NUDCD3: variants seen among roughly 807,000 people sequenced by gnomAD.
The protein encoded by NUDCD3 is nudC domain-containing protein 3.
In NUDCD3, 13 loss-of-function variants were observed where a neutral mutation model predicts 39.7. The observed-to-expected ratio is 0.33, with a 90% CI of 0.21 to 0.52. The LOEUF (loss-of-function observed/expected upper bound fraction) is 0.52, where lower values mean the gene tolerates loss of function less well. NUDCD3 is among the 20% of genes least tolerant of loss of function. NUDCD3 has a pLI of 0.96. For synonymous variants in NUDCD3, 175 were observed against 172.4 expected (o/e 1.02, Z -0.12); for missense variants, 453 against 458.1 (o/e 0.99, Z 0.10).
In NUDCD3 at chr7:44,379,541, G is replaced by A. The variant is rs1798273597; in HGVS notation, c.*6470C>T. 6.6e-6 allele frequency: 1 copy of A among 152,200 alleles called. No homozygotes were observed. Among genetic ancestry groups the A allele is most frequent in the Non-Finnish European group, 1.5e-5 (1 of 68,096 alleles). The allele number at this position is 152,200 out of a possible 1,614,324, so 9.4% of individuals were successfully genotyped here. On this transcript the variant is annotated 3_prime_UTR_variant, in exon 6 of 6. Coordinates refer to ENST00000355451, the MANE Select transcript of NUDCD3 (RefSeq NM_015332.4). ...GGGAGGTTACCAGCAGGAGAGCCTGGAGTGTCGAGGAGTCACCACGGCCCT... is the reference window on the plus strand; with the variant it reads ...GGGAGGTTACCAGCAGGAGAGCCTGAAGTGTCGAGGAGTCACCACGGCCCT...
chr7:44,467,825 A>AAAAAAGAAAAGAAAAGGCTCTCT, intron 2 of NUDCD3: 5 of 1,144,620 alleles, frequency 4.4e-6, no homozygotes, highest in Non-Finnish European at 6.3e-6. Context: ...AGTAAAAAAA[A>AAAAAAGAAAAGAAAAGGCTCTCT]AAAAAAGAAA....
At chr7:44,401,172 T>TC (rs1240450083) in intron 4 of NUDCD3, among the ~76,000 whole-genome samples, 1 of 152,076 alleles carries the variant, frequency 6.6e-6, no homozygotes, top group African/African-American at 2.4e-5. Flanking sequence ...TCACCTGCAG[T>TC]CCCTCTCTGC....
intron 2 of NUDCD3, among the ~76,000 whole-genome samples, chr7:44,467,471 G>A (rs1800143002): frequency 6.6e-6 from 1 of 152,146 alleles, no homozygotes; most frequent in African/African-American, 2.4e-5. Flanking sequence ...ATCAGCCAGA[G>A]GCCAATCACC....
intron 3 of NUDCD3, among the ~76,000 whole-genome samples, chr7:44,426,661 T>C (rs1799241943): frequency 1.3e-5 from 2 of 151,130 alleles, no homozygotes; most frequent in South Asian, 4.2e-4. Flanking sequence ...CCGGGCGTAG[T>C]GGCGGGCGCC....
rs138070211 is a variant in NUDCD3 at position 44,485,036 on chromosome 7, C to T, written c.441G>A (p.Gln147=). ...CAACTGCTCCTGGAGCTTCTGCCTC[C>T]TGTGAACCATGGGCCATTTCCTTCA... ...GPVKEMAHGS[Q]EAEAPGAVAG... The change falls in exon 2 of 6, where the codon CAG becomes CAA. Residue 147 remains glutamine, a synonymous_variant. Transcript: ENST00000355451. The T allele has an allele frequency of 1.2e-6, 2 of 1,614,106 alleles. No individual in the cohort carries two copies. Among genetic ancestry groups the T allele is most frequent in the African/African-American group, 2.7e-5 (2 of 74,940 alleles).
At chr7:44,474,945 G>A (rs913828867) in intron 2 of NUDCD3, among the ~76,000 whole-genome samples, 1 of 152,060 alleles carries the variant, frequency 6.6e-6, no homozygotes, top group South Asian at 2.1e-4. Context: ...CCCCAGGTGG[G>A]GTCCACAGAT....
intron 2 of NUDCD3, chr7:44,468,112 T>C (rs1282432371): frequency 1.2e-6 from 2 of 1,608,748 alleles, no homozygotes; most frequent in South Asian, 2.2e-5. Context: ...TGCTGCCCAG[T>C]GGCTTCCGGA....
chr7:44,402,593 G>C (rs1317681454), intron 4 of NUDCD3: 1 of 455,898 alleles, frequency 2.2e-6, no homozygotes, highest in Non-Finnish European at 4.4e-6. Context: ...TTGGGCTTCT[G>C]CATGAAGTAT....
At chr7:44,405,082 A>G (rs1388505768) in intron 3 of NUDCD3, among the ~76,000 whole-genome samples, 2 of 152,214 alleles carry the variant, frequency 1.3e-5, no homozygotes, top group Non-Finnish European at 2.9e-5. Context: ...TCCATGAGCC[A>G]CTGCACTGCC....
chr7:44,401,624 C>T (rs531949343), intron 4 of NUDCD3, among the ~76,000 whole-genome samples: 32 of 152,314 alleles, frequency 2.1e-4, no homozygotes, highest in Admixed American at 1.3e-3. Context: ...TGGGAAAGAA[C>T]TCATGCAGTG....
chr7:44,458,218 C>A (rs192749273), intron 2 of NUDCD3, among the ~76,000 whole-genome samples: 1 of 152,276 alleles, frequency 6.6e-6, no homozygotes, highest in Non-Finnish European at 1.5e-5. Context: ...GACACAAAGG[C>A]CACATAATGT....
At chr7:44,464,920 C>T (rs1045367462) in intron 2 of NUDCD3, among the ~76,000 whole-genome samples, 1 of 152,162 alleles carries the variant, frequency 6.6e-6, no homozygotes, top group Non-Finnish European at 1.5e-5. Context: ...CCTCCTCTTA[C>T]AGTGCCAAAA....
rs10585173 is a variant in NUDCD3, at chr7:44,396,087, TTGTGTGTGTGTGTG to T, written c.787-3616_787-3603del. Among the ~76,000 whole-genome samples the T allele has an allele frequency of 2.7e-3, 385 of 145,006 alleles. 9 individuals carry two copies. In the South Asian group the frequency reaches 0.032, roughly 12 times the overall value. On this transcript the variant is annotated intron_variant, in intron 4 of 5. Coordinates refer to ENST00000355451, the MANE Select transcript of NUDCD3 (RefSeq NM_015332.4). ...CCTCACCAACACTTGTTATCTTCTG[TTGTGTGTGTGTGTG>T]TGTGTGTGTGTGTGTGTGTGTGTGT...
At chr7:44,387,006 C>T (rs1057408125) in intron 5 of NUDCD3, among the ~76,000 whole-genome samples, 2 of 152,178 alleles carry the variant, frequency 1.3e-5, no homozygotes, top group Admixed American at 1.3e-4. Flanking sequence ...ACAAAAGAGA[C>T]TATGTAGGGC....
chr7:44,483,339 T>C (rs779823615), intron 2 of NUDCD3, among the ~76,000 whole-genome samples: 1 of 151,646 alleles, frequency 6.6e-6, no homozygotes, highest in Non-Finnish European at 1.5e-5. Context: ...AAAAAAAAAG[T>C]GTCAACCTGC....
chr7:44,440,955 A>G (rs1239401884), intron 2 of NUDCD3, among the ~76,000 whole-genome samples: 2 of 152,134 alleles, frequency 1.3e-5, no homozygotes, highest in African/African-American at 2.4e-5. Context: ...TTTAGCACCC[A>G]TTTTCAACTC....
intron 2 of NUDCD3, among the ~76,000 whole-genome samples, chr7:44,479,145 G>T (rs1439315006): frequency 1.3e-5 from 2 of 152,098 alleles, no homozygotes; most frequent in Admixed American, 1.3e-4. Flanking sequence ...ATGATTCACT[G>T]CCTCCCACCG....
At chr7:44,473,957 C>T (rs1800307368) in intron 2 of NUDCD3, among the ~76,000 whole-genome samples, 1 of 152,018 alleles carries the variant, frequency 6.6e-6, no homozygotes, top group Admixed American at 6.6e-5. Flanking sequence ...TTAATTAGGA[C>T]ACTATAAGAA....
At chr7:44,436,418 AAG>A (rs960158241) in intron 2 of NUDCD3, among the ~76,000 whole-genome samples, 1 of 152,174 alleles carries the variant, frequency 6.6e-6, no homozygotes, top group Non-Finnish European at 1.5e-5. Context: ...TGAAAATCTA[AAG>A]AGTTTGTCTT....
Sources: allele counts gnomAD v4.1 joint callset (sites outside exome capture counted in the v4.1 genomes callset), GRCh38; gene constraint gnomAD v4.1.1; transcripts MANE v1.5; gene names NCBI Gene and HGNC (gene_info 2026-07-23, HGNC 2026-07-21).